The following SNX25 variants were observed in gnomAD, a reference collection of about 807,000 sequenced individuals.
SNX25 encodes sorting nexin-25.
Under a neutral mutation model 113.7 loss-of-function variants are expected in SNX25, and 62 were observed. That is an observed-to-expected ratio of 0.55 (90% CI 0.44 to 0.67). The LOEUF (loss-of-function observed/expected upper bound fraction) is 0.67. Ranked by LOEUF, SNX25 falls within the 30% of genes least tolerant of loss-of-function variation. The pLI is 0.00. For synonymous variants in SNX25, 421 were observed against 436.2 expected, an observed-to-expected ratio of 0.97 and a Z score of 0.43; for missense variants, 1,014 against 1,161.0, an observed-to-expected ratio of 0.87 and a Z score of 1.84.
chr4:185,276,672 A>C (rs1749731869), intron 5 of SNX25, among the ~76,000 whole-genome samples: 1 of 152,114 alleles, frequency 6.6e-6, no homozygotes, highest in Non-Finnish European at 1.5e-5. Context: ...CTTGTCTCTT[A>C]AAAAAACTTA....
chr4:185,374,833 A>G (rs1414999796), downstream of SNX25, among the ~76,000 whole-genome samples: 1 of 152,186 alleles, frequency 6.6e-6, no homozygotes, highest in East Asian at 1.9e-4. Flanking sequence ...AAGAATGGCC[A>G]GGAACAGCTT....
At chr4:185,316,979 G>A (rs1389230384) in intron 7 of SNX25, among the ~76,000 whole-genome samples, 1 of 152,272 alleles carries the variant, frequency 6.6e-6, no homozygotes, top group East Asian at 1.9e-4. Context: ...ATGGTCTGTA[G>A]CAAGGGATAT....
intron 7 of SNX25, among the ~76,000 whole-genome samples, chr4:185,319,341 G>A (rs979886359): frequency 1.4e-4 from 21 of 149,142 alleles, no homozygotes; most frequent in Admixed American, 1.0e-3. Context: ...GGGATTACAG[G>A]CATGCACCAC....
At chr4:185,372,461 T>A (rs986495152), downstream of SNX25, among the ~76,000 whole-genome samples, 1 of 152,252 alleles carries the variant, frequency 6.6e-6, no homozygotes, top group Admixed American at 6.5e-5. Flanking sequence ...TTTCTAATAC[T>A]GCAGAAAGCT....
chr4:185,371,197 G>A (rs372362100), downstream of SNX25: 5 of 167,066 alleles, frequency 3.0e-5, no homozygotes, highest in Admixed American at 5.8e-5. Flanking sequence ...CAGTTTGGAC[G>A]TTAGCCACAT....
chr4:185,239,993 A>C (rs1242075232), intron 1 of SNX25, among the ~76,000 whole-genome samples: 4 of 150,878 alleles, frequency 2.7e-5, no homozygotes, highest in African/African-American at 4.9e-5. Flanking sequence ...TCCTTCAAGC[A>C]TCTGTTTAAC....
At position 185,351,384 on chromosome 4, in the gene SNX25, T is replaced by C; in HGVS notation, c.2302-61T>C. The C allele has an allele frequency of 6.4e-6, 10 of 1,556,322 alleles. No homozygotes were observed. In the South Asian group the frequency reaches 1.2e-4, roughly 18 times the overall value. ...GCTCTGCCTCGCTCACCTTTACTTG[T>C]AGCTCCCAGCCACACAGATAGTTTC... On this transcript the variant is annotated intron_variant, in intron 13 of 18. Coordinates refer to ENST00000652585, the MANE Select transcript of SNX25 (RefSeq NM_001378034.2).
intron 7 of SNX25, among the ~76,000 whole-genome samples, chr4:185,315,271 A>G (rs2095063872): frequency 6.8e-6 from 1 of 147,408 alleles, no homozygotes; most frequent in African/African-American, 2.5e-5. Context: ...AGAACTCCAG[A>G]CTCAGATCAT....
downstream of SNX25, chr4:185,365,692 ATAATAATAAT>A (rs1561066612): frequency 8.6e-5 from 12 of 138,766 alleles, no homozygotes; most frequent in African/African-American, 3.1e-4. Context: ...AAAAAAAAAA[ATAATAATAAT>A]AATAATAATA....
At chr4:185,219,130 C>T (rs1209114617) in intron 1 of SNX25, among the ~76,000 whole-genome samples, 1 of 152,174 alleles carries the variant, frequency 6.6e-6, no homozygotes, top group African/African-American at 2.4e-5. Context: ...TGGGGTACTC[C>T]TGTCTCAGTC....
intron 2 of SNX25, among the ~76,000 whole-genome samples, chr4:185,255,178 G>C (rs1400483312): frequency 7.2e-5 from 11 of 151,776 alleles, no homozygotes; most frequent in Admixed American, 6.6e-4. Flanking sequence ...CTGTCGCCCA[G>C]GCTGGAGTGC....
downstream of SNX25, among the ~76,000 whole-genome samples, chr4:185,367,398 T>C (rs1212784005): frequency 6.6e-6 from 1 of 152,114 alleles, no homozygotes; most frequent in Non-Finnish European, 1.5e-5. Context: ...TCTGATGTCC[T>C]ACTTTAACCT....
intron 6 of SNX25, among the ~76,000 whole-genome samples, chr4:185,309,047 C>A (rs144692268): frequency 2.0e-5 from 3 of 152,172 alleles, no homozygotes; most frequent in African/African-American, 7.2e-5. Flanking sequence ...CTCTGTGTCA[C>A]GTGACGTCAG....
chr4:185,248,631 C>T (rs755818441), intron 2 of SNX25, among the ~76,000 whole-genome samples: 8 of 152,084 alleles, frequency 5.3e-5, no homozygotes, highest in African/African-American at 9.7e-5. Flanking sequence ...CCAGCCTGGG[C>T]AACACAATGA....
At chr4:185,375,807 G>C in the SNX25 span, 2 of 789,116 alleles carry the variant, frequency 2.5e-6, no homozygotes, top group Non-Finnish European at 4.0e-6. Context: ...TCAAGTGTTT[G>C]TGCCCAAGTT....
rs1553986707 is a variant in SNX25 at position 185,234,399 on chromosome 4, C to CTATGACTTT, written c.430-12894_430-12893insATGACTTTT. Among the ~76,000 whole-genome samples, 37 of 87,462 alleles carry CTATGACTTT rather than the reference C, an allele frequency of 4.2e-4. 1 individual carries two copies. Among genetic ancestry groups the CTATGACTTT allele is most frequent in the Admixed American group, 5.0e-4 (4 of 8,074 alleles). 57.4% of individuals were successfully genotyped at this position (87,462 alleles called of 152,430 possible). A position where few individuals can be genotyped will look rare whatever the true frequency, so the allele number is the denominator to read the frequency against. ...AATTAACGTTGTTAAAAAGTTTAGG[C>CTATGACTTT]TGGCCGGGCGCGGTGGCTCACGCCT... On this transcript the variant is annotated intron_variant, in intron 1 of 18. Coordinates refer to ENST00000652585, the MANE Select transcript of SNX25 (RefSeq NM_001378034.2).
At chr4:185,300,873 A>ACACACACACC (rs1356208171) in intron 6 of SNX25, among the ~76,000 whole-genome samples, 8 of 151,312 alleles carry the variant, frequency 5.3e-5, no homozygotes, top group Non-Finnish European at 8.8e-5. Flanking sequence ...ACACACACAC[A>ACACACACACC]CAGGTTTTCT....
At chr4:185,245,662 A>AT (rs1744764878) in intron 1 of SNX25, among the ~76,000 whole-genome samples, 1 of 152,134 alleles carries the variant, frequency 6.6e-6, no homozygotes, top group South Asian at 2.1e-4. Flanking sequence ...TTATACAGTT[A>AT]TTTTTAACAT....
rs1755132596 is a variant in SNX25 at position 185,310,778 on chromosome 4, G to A, written c.1306G>A (p.Gly436Arg). 2 of 1,613,198 alleles carry A rather than the reference G, an allele frequency of 1.2e-6. No homozygotes were observed. The highest frequency in any genetic ancestry group is 2.2e-5 in the South Asian group (2 of 90,760). The change falls in exon 7 of 19, where the codon GGG becomes AGG. Residue 436 changes from glycine to arginine, a missense_variant. Coordinates refer to ENST00000652585, the MANE Select transcript of SNX25 (RefSeq NM_001378034.2). ...GGPAYDQQEDGALDEGEGPQS... is the reference protein window; with the variant it reads ...GGPAYDQQEDRALDEGEGPQS... ...CCCTGCCTATGACCAGCAAGAGGATGGGGCCCTGGATGAGGGGGAAGGGCC... is the reference window on the plus strand; with the variant it reads ...CCCTGCCTATGACCAGCAAGAGGATAGGGCCCTGGATGAGGGGGAAGGGCC...
Sources: allele counts gnomAD v4.1 joint callset (sites outside exome capture counted in the v4.1 genomes callset), GRCh38; gene constraint gnomAD v4.1.1; transcripts MANE v1.5; gene names NCBI Gene and HGNC (gene_info 2026-07-23, HGNC 2026-07-21).